Variants in ANGPT2 observed in about 807,000 individuals in gnomAD.
The protein encoded by ANGPT2 is angiopoietin 2.
Under a neutral mutation model 62.9 loss-of-function variants are expected in ANGPT2, and 28 were observed. The ratio of observed to expected loss-of-function variants is 0.44; its 90% CI spans 0.33 to 0.61. The LOEUF (loss-of-function observed/expected upper bound fraction) is 0.61, where lower values mean the gene tolerates loss of function less well. Among genes scored for constraint, ANGPT2 ranks in the 20% least tolerant of loss-of-function variants. The pLI is 0.03. For synonymous variants in ANGPT2, 284 were observed against 207.8 expected, an observed-to-expected ratio of 1.37 and a Z score of -3.15; for missense variants, 727 against 594.9, an observed-to-expected ratio of 1.22 and a Z score of -2.31.
chr8:6,501,474 C>A lies in ANGPT2; in HGVS notation c.*1627G>T, dbSNP rs946412654. ...AGTATTAATTGTACTATGAAAATTTCAAAAGGAGTTAAAACTCCAGGAGTT... is the reference window on the plus strand; with the variant it reads ...AGTATTAATTGTACTATGAAAATTTAAAAAGGAGTTAAAACTCCAGGAGTT... On this transcript the variant is annotated 3_prime_UTR_variant, in exon 9 of 9. Coordinates refer to ENST00000629816, the MANE Select transcript of ANGPT2 (RefSeq NM_001118887.2). 16 of 151,418 alleles carry A rather than the reference C, an allele frequency of 1.1e-4. No homozygotes were observed. The highest frequency in any genetic ancestry group is 3.9e-4 in the African/African-American group (16 of 41,206). 9.4% of individuals were successfully genotyped at this position (151,418 alleles called of 1,614,324 possible). A position where few individuals can be genotyped will look rare whatever the true frequency, so the allele number is the denominator to read the frequency against.
At chr8:6,550,392 G>A (rs1220627979) in intron 1 of ANGPT2, among the ~76,000 whole-genome samples, 3 of 152,226 alleles carry the variant, frequency 2.0e-5, no homozygotes, top group Non-Finnish European at 2.9e-5. Context: ...ACCCAGACAC[G>A]TGCGGTGACC....
intron 1 of ANGPT2, among the ~76,000 whole-genome samples, chr8:6,542,759 C>T (rs1030841878): frequency 6.6e-6 from 1 of 152,078 alleles, no homozygotes; most frequent in African/African-American, 2.4e-5. Context: ...GGGTGGAGCT[C>T]TGTGGAGGAG....
chr8:6,529,623 AT>A lies in ANGPT2; in HGVS notation c.445-1948del, dbSNP rs35322987. 2.1e-3 allele frequency among the ~76,000 whole-genome samples: 258 copies of A among 120,956 alleles called. 1 individual carries two copies. Among genetic ancestry groups the A allele is most frequent in the African/African-American group, 4.5e-3 (146 of 32,110 alleles). The allele number at this position is 120,956 out of a possible 152,430, so 79.4% of individuals were successfully genotyped here. A position where few individuals can be genotyped will look rare whatever the true frequency, so the allele number is the denominator to read the frequency against. On this transcript the variant is annotated intron_variant, in intron 2 of 8. Coordinates refer to ENST00000629816, the MANE Select transcript of ANGPT2 (RefSeq NM_001118887.2). ...AAGTGCACACAAGCACGCCTGGCTA[AT>A]TTTTTTTTTTTTTTTTTTTTGGTAG... is the stretch of plus-strand genomic sequence containing the variant.
intron 6 of ANGPT2, 23 bp from the exon 7 acceptor site, chr8:6,513,867 C>A: frequency 6.3e-7 from 1 of 1,579,878 alleles, no homozygotes; most frequent in Non-Finnish European, 8.6e-7. Context: ...TTGTTAAATT[C>A]AATTATTTCA....
chr8:6,505,605 T>C (rs1813438629), intron 8 of ANGPT2, among the ~76,000 whole-genome samples: 1 of 127,706 alleles, frequency 7.8e-6, no homozygotes, highest in South Asian at 2.4e-4. Flanking sequence ...ATGGAATATA[T>C]ATATTCTTTA....
intron 8 of ANGPT2, among the ~76,000 whole-genome samples, chr8:6,505,366 TAG>T (rs1813277072): frequency 1.3e-5 from 1 of 79,704 alleles, no homozygotes; most frequent in Non-Finnish European, 2.4e-5. Flanking sequence ...TATATGTATA[TAG>T]AATATATATA....
chr8:6,517,316 CT>C (rs1368356136), intron 5 of ANGPT2, among the ~76,000 whole-genome samples: 1 of 152,304 alleles, frequency 6.6e-6, no homozygotes, highest in African/African-American at 2.4e-5. Context: ...ACTTGACTTG[CT>C]TCAACTCTGA....
At position 6,502,780 on chromosome 8, in the gene ANGPT2, T is replaced by C. The variant is rs1350611923; in HGVS notation, c.*321A>G. The C allele has an allele frequency of 2.9e-6, 1 of 339,332 alleles. No individual in the cohort carries two copies. 21.0% of individuals were successfully genotyped at this position (339,332 alleles called of 1,614,324 possible). A position where few individuals can be genotyped will look rare whatever the true frequency, so the allele number is the denominator to read the frequency against. On this transcript the variant is annotated 3_prime_UTR_variant, in exon 9 of 9. Coordinates refer to ENST00000629816, the MANE Select transcript of ANGPT2 (RefSeq NM_001118887.2). The stretch of plus-strand genomic sequence containing the variant: ...GTTCTGTTTTCCAGTTATTTACTGA[T>C]AAACTTGCACATAACATTCTTGGTT...
In ANGPT2 at chr8:6,555,465, C is replaced by CTTTT. The variant is rs530250678; in HGVS notation, c.288+7178_288+7181dup. ...TTTGTTTTACGGGGGGTGGTTTGCC[C>CTTTT]TTTTTTTTTTTTTGGAGACAGGATC... On this transcript the variant is annotated intron_variant, in intron 1 of 8. Transcript: ENST00000629816. Among the ~76,000 whole-genome samples the CTTTT allele has an allele frequency of 5.3e-3, 753 of 142,606 alleles. 13 individuals carry two copies. The highest frequency in any genetic ancestry group is 0.049 in the East Asian group (244 of 4,936). 93.6% of individuals were successfully genotyped at this position (142,606 alleles called of 152,430 possible). A position where few individuals can be genotyped will look rare whatever the true frequency, so the allele number is the denominator to read the frequency against.
In ANGPT2 at chr8:6,519,845, G is replaced by A. The variant is rs945968971; in HGVS notation, c.927+19C>T. Reference sequence around the variant, plus strand: ...CTGCCTAGAGCCAGGGAGTTAGTAAGGGGAGACGAATACCTCACCTTGATC... The same window carrying A: ...CTGCCTAGAGCCAGGGAGTTAGTAAAGGGAGACGAATACCTCACCTTGATC... On this transcript the variant is annotated intron_variant, in intron 5 of 8. Transcript: ENST00000629816. 15 of 1,612,582 alleles carry A rather than the reference G, an allele frequency of 9.3e-6. No homozygotes were observed. Among genetic ancestry groups the A allele is most frequent in the African/African-American group, 2.7e-5 (2 of 74,924 alleles).
chr8:6,523,276 C>G (rs2129569787), intron 3 of ANGPT2, among the ~76,000 whole-genome samples: 1 of 152,240 alleles, frequency 6.6e-6, no homozygotes, highest in African/African-American at 2.4e-5. Context: ...GGATTACAGG[C>G]ATGAGCCACC....
rs146867918 is a variant in ANGPT2 at position 6,522,876 on chromosome 8, G to T, written c.567-1466C>A. ...GCAGAATACAATCCCAGAACTTTCT[G>T]ACTCTGAAATCTGCTTCTCTCCTTT... On this transcript the variant is annotated intron_variant, in intron 3 of 8. Coordinates refer to ENST00000629816, the MANE Select transcript of ANGPT2 (RefSeq NM_001118887.2). Among the ~76,000 whole-genome samples the T allele has an allele frequency of 3.0e-4, 46 of 152,214 alleles. 2 individuals carry two copies. Among genetic ancestry groups the T allele is most frequent in the African/African-American group, 1.1e-3 (45 of 41,544 alleles).
chr8:6,556,688 A>G (rs747249284), intron 1 of ANGPT2, among the ~76,000 whole-genome samples: 1 of 151,520 alleles, frequency 6.6e-6, no homozygotes, highest in African/African-American at 2.4e-5. Flanking sequence ...ATCATAGTTC[A>G]CTGCAGCCTT....
chr8:6,514,876 GCCGA>G, intron 5 of ANGPT2, 98 bp from the exon 6 acceptor site: 1 of 979,104 alleles, frequency 1.0e-6, no homozygotes, highest in Admixed American at 2.0e-5. Context: ...GCAGGACTCA[GCCGA>G]GAGGGTTCTC....
chr8:6,541,904 A>T (rs1358791540), intron 1 of ANGPT2, among the ~76,000 whole-genome samples: 4 of 151,190 alleles, frequency 2.6e-5, no homozygotes, highest in African/African-American at 9.7e-5. Flanking sequence ...GCTACTCAGG[A>T]GGCTAAGGTG....
chr8:6,549,876 TA>T (rs956841308), intron 1 of ANGPT2, among the ~76,000 whole-genome samples: 3 of 151,844 alleles, frequency 2.0e-5, no homozygotes, highest in African/African-American at 7.3e-5. Context: ...AAGTTATATC[TA>T]AAAAAAGAAA....
At chr8:6,503,971 A>G (rs1812718820) in intron 8 of ANGPT2, among the ~76,000 whole-genome samples, 1 of 152,208 alleles carries the variant, frequency 6.6e-6, no homozygotes, top group Admixed American at 6.5e-5. Context: ...CTGCACTTTC[A>G]GATACCTGAA....
intron 2 of ANGPT2, among the ~76,000 whole-genome samples, chr8:6,530,508 C>CAAAA (rs55729820): frequency 5.1e-5 from 5 of 98,036 alleles, no homozygotes; most frequent in East Asian, 3.4e-4. Flanking sequence ...GACTCTGTCT[C>CAAAA]AAAAAAAAAA....
At chr8:6,504,272 C>T (rs892993348) in intron 8 of ANGPT2, among the ~76,000 whole-genome samples, 5 of 143,082 alleles carry the variant, frequency 3.5e-5, no homozygotes, top group Non-Finnish European at 6.0e-5. Flanking sequence ...GAGCCGAGAT[C>T]GCGCCACTGC....
Sources: allele counts gnomAD v4.1 joint callset (sites outside exome capture counted in the v4.1 genomes callset), GRCh38; gene constraint gnomAD v4.1.1; transcripts MANE v1.5; gene names NCBI Gene and HGNC (gene_info 2026-07-23, HGNC 2026-07-21).